ACVR1: variants seen among roughly 807,000 people sequenced by gnomAD.
ACVR1 encodes activin receptor type-1.
A neutral mutation model predicts 57.1 loss-of-function variants in ACVR1; 38 were observed. The ratio of observed to expected loss-of-function variants is 0.67; its 90% CI spans 0.51 to 0.87. ACVR1 has a LOEUF of 0.87. Among genes scored for constraint, ACVR1 ranks in the 40% least tolerant of loss-of-function variants. ACVR1 has a pLI of 0.00. For missense variants in ACVR1, 463 were observed against 638.2 expected, an observed-to-expected ratio of 0.73 and a Z score of 2.96; for synonymous variants, 212 against 228.1, an observed-to-expected ratio of 0.93 and a Z score of 0.63.
rs144740517 is a variant in ACVR1, at chr2:157,790,740, A to C, written c.67+8687T>G. Among the ~76,000 whole-genome samples, 421 of 152,186 alleles carry C rather than the reference A, an allele frequency of 2.8e-3. 2 individuals carry two copies. The highest frequency in any genetic ancestry group is 9.2e-3 in the African/African-American group (380 of 41,508). On this transcript the variant is annotated intron_variant, in intron 3 of 10. Transcript: ENST00000434821. ...GGAGTATGTGTGCCTGCCTGTCCCT[A>C]AACTGCAGGAGGATTAGTTTTTCCC...
At chr2:157,794,805 G>T (rs1224209817) in intron 3 of ACVR1, among the ~76,000 whole-genome samples, 1 of 151,700 alleles carries the variant, frequency 6.6e-6, no homozygotes, top group Non-Finnish European at 1.5e-5. Context: ...AATATAAGTG[G>T]TGAAAAAATC....
chr2:157,758,672 G>C (rs1215370815), intron 9 of ACVR1, among the ~76,000 whole-genome samples: 1 of 151,958 alleles, frequency 6.6e-6, no homozygotes, highest in Non-Finnish European at 1.5e-5. Flanking sequence ...AGAAACATTG[G>C]ATTTAAAATG....
Position 157,778,172 on chromosome 2 carries a change from C to T in ACVR1, c.502G>A (p.Glu168Lys), listed in dbSNP as rs764097240. 5 of 1,613,572 alleles carry T rather than the reference C, an allele frequency of 3.1e-6. No individual in the cohort carries two copies. The highest frequency in any genetic ancestry group is 3.4e-6 in the Non-Finnish European group (4 of 1,179,880). The change falls in exon 5 of 11, where the codon GAA (glutamate) becomes AAA (lysine). Residue 168 changes from glutamate to lysine, a missense_variant. By Grantham distance (56) the Glu-to-Lys change is moderately conservative. Around this residue, in one of 3 missense-constraint regions of ACVR1, gnomAD observed 203 missense variants for 235.5 expected, o/e 0.86. Transcript: ENST00000434821. ...NPRDVEYGTI[E>K]GLITTNVGDS... ...CCAACATTGGTGGTGATGAGCCCTT[C>T]GATAGTGCCATACTCCACGTCTCGG...
At chr2:157,783,163 T>TA (rs1264598153) in intron 3 of ACVR1, among the ~76,000 whole-genome samples, 1 of 152,222 alleles carries the variant, frequency 6.6e-6, no homozygotes, top group Non-Finnish European at 1.5e-5. Flanking sequence ...GCTTGTAATT[T>TA]AAAAATGCCA....
chr2:157,736,937 A>C lies in ACVR1; in HGVS notation c.*594T>G, dbSNP rs1198736045. 2 of 309,756 alleles carry C rather than the reference A, an allele frequency of 6.5e-6. No homozygotes were observed. Among genetic ancestry groups the C allele is most frequent in the African/African-American group, 4.3e-5 (2 of 46,928 alleles). 19.2% of individuals were successfully genotyped at this position (309,756 alleles called of 1,614,324 possible). A position where few individuals can be genotyped will look rare whatever the true frequency, so the allele number is the denominator to read the frequency against. On this transcript the variant is annotated 3_prime_UTR_variant, in exon 11 of 11. Coordinates refer to ENST00000434821, the MANE Select transcript of ACVR1 (RefSeq NM_001111067.4). ...TTCCTAATGTTCGGCATCATTGTAA[A>C]CATCAGCACATGTGTAAAATGCAGC... is the stretch of plus-strand genomic sequence containing the variant.
chr2:157,845,025 T>C (rs1285807448), intron 1 of ACVR1, among the ~76,000 whole-genome samples: 3 of 152,230 alleles, frequency 2.0e-5, no homozygotes, highest in Non-Finnish European at 4.4e-5. Context: ...CTAAGGGATT[T>C]AGTTACAGCA....
rs145130362 is a variant in ACVR1 at position 157,814,920 on chromosome 2, C to T, written c.-8+3465G>A. Among the ~76,000 whole-genome samples the T allele has an allele frequency of 6.1e-3, 929 of 152,146 alleles. 9 individuals carry two copies. Among genetic ancestry groups the T allele is most frequent in the African/African-American group, 0.021 (887 of 41,512 alleles). On this transcript the variant is annotated intron_variant, in intron 2 of 10. Coordinates refer to ENST00000434821, the MANE Select transcript of ACVR1 (RefSeq NM_001111067.4). ...CTAACACGGTGAAACCCTGTCTCTA[C>T]TGAAAATACAAAAAATTAGCAGGGC... is the stretch of plus-strand genomic sequence containing the variant.
intron 1 of ACVR1, among the ~76,000 whole-genome samples, chr2:157,835,734 G>A (rs1163412254): frequency 6.6e-6 from 1 of 152,208 alleles, no homozygotes; most frequent in Non-Finnish European, 1.5e-5. Flanking sequence ...CAGTAGGGCT[G>A]AAAACCAGTG....
intron 1 of ACVR1, among the ~76,000 whole-genome samples, chr2:157,843,789 T>C (rs944382838): frequency 6.6e-6 from 1 of 152,154 alleles, no homozygotes; most frequent in African/African-American, 2.4e-5. Context: ...TTCATGGATA[T>C]AGTAAAACTC....
intron 1 of ACVR1, among the ~76,000 whole-genome samples, chr2:157,865,969 TA>T (rs1689915887): frequency 6.6e-6 from 1 of 152,080 alleles, no homozygotes; most frequent in Non-Finnish European, 1.5e-5. Context: ...GTCCCTGAAT[TA>T]AAACGGTTTC....
chr2:157,751,829 C>T (rs1346775885), intron 9 of ACVR1, among the ~76,000 whole-genome samples: 2 of 152,166 alleles, frequency 1.3e-5, no homozygotes, highest in Admixed American at 6.5e-5. Flanking sequence ...AGCTCTGTCA[C>T]GCCTAACCCT....
intron 2 of ACVR1, among the ~76,000 whole-genome samples, chr2:157,811,018 C>A (rs1370179727): frequency 6.6e-6 from 1 of 152,170 alleles, no homozygotes; most frequent in East Asian, 1.9e-4. Flanking sequence ...AGGAATCCCC[C>A]ACCCTCCAGC....
At chr2:157,828,251 C>G (rs557205122) in intron 1 of ACVR1, among the ~76,000 whole-genome samples, 2 of 152,122 alleles carry the variant, frequency 1.3e-5, no homozygotes, top group South Asian at 2.1e-4. Context: ...AGTTCAAGAC[C>G]AGCCTGGCCA....
chr2:157,866,635 C>T (rs1689947925), intron 1 of ACVR1, among the ~76,000 whole-genome samples: 2 of 152,074 alleles, frequency 1.3e-5, no homozygotes. Flanking sequence ...TCAGTTTTAC[C>T]TTAATAAGGC....
intron 3 of ACVR1, among the ~76,000 whole-genome samples, chr2:157,795,377 AACACAC>A (rs4029027): frequency 0.16 from 20,919 of 134,006 alleles, 1,668 homozygotes; most frequent in Admixed American, 0.25. Flanking sequence ...CCTTCCATAG[AACACAC>A]ACACACACAC....
At chr2:157,825,767 A>G (rs1485463941) in intron 1 of ACVR1, among the ~76,000 whole-genome samples, 1 of 152,226 alleles carries the variant, frequency 6.6e-6, no homozygotes, top group Non-Finnish European at 1.5e-5. Flanking sequence ...TAATCCAGCT[A>G]TATGTACATC....
intron 7 of ACVR1, among the ~76,000 whole-genome samples, chr2:157,767,165 G>A (rs1685895395): frequency 6.6e-6 from 1 of 152,024 alleles, no homozygotes; most frequent in Non-Finnish European, 1.5e-5. Context: ...CCGAGTAGCT[G>A]GGATTACAGG....
chr2:157,842,155 C>T (rs536715111), intron 1 of ACVR1, among the ~76,000 whole-genome samples: 4 of 152,000 alleles, frequency 2.6e-5, no homozygotes, highest in Admixed American at 6.6e-5. Flanking sequence ...AAAAGTAGAA[C>T]CCCCAACAGT....
At chr2:157,747,868 T>A (rs544892154) in intron 9 of ACVR1, among the ~76,000 whole-genome samples, 1 of 152,208 alleles carries the variant, frequency 6.6e-6, no homozygotes, top group South Asian at 2.1e-4. Flanking sequence ...TGATTTTAAA[T>A]GAGACAGGAG....
Sources: allele counts gnomAD v4.1 joint callset (sites outside exome capture counted in the v4.1 genomes callset), GRCh38; gene constraint gnomAD v4.1.1; regional missense constraint gnomAD v4.1.1; transcripts MANE v1.5; gene names NCBI Gene and HGNC (gene_info 2026-07-23, HGNC 2026-07-21).